GALNT13: variants seen among roughly 807,000 people sequenced by gnomAD.
GALNT13 encodes polypeptide N-acetylgalactosaminyltransferase 13.
A neutral mutation model predicts 64.2 loss-of-function variants in GALNT13; 28 were observed. That is an observed-to-expected ratio of 0.44 (90% CI 0.32 to 0.60). The LOEUF (loss-of-function observed/expected upper bound fraction) is 0.60, where lower values mean the gene tolerates loss of function less well. Ranked by LOEUF, GALNT13 falls within the 20% of genes least tolerant of loss-of-function variation. The pLI, the probability that GALNT13 is intolerant of heterozygous loss-of-function variation, is 0.05. For missense variants in GALNT13, 577 were observed against 669.8 expected (o/e 0.86, Z 1.53); for synonymous variants, 214 against 224.6 (o/e 0.95, Z 0.42).
chr2:154,125,968 G>C (rs1369245025), intron 3 of GALNT13, among the ~76,000 whole-genome samples: 1 of 152,094 alleles, frequency 6.6e-6, no homozygotes, highest in East Asian at 1.9e-4. Context: ...ACCTCAGCCT[G>C]GGGATCCATG....
intron 11 of GALNT13, among the ~76,000 whole-genome samples, chr2:154,411,791 T>G (rs1387594892): frequency 6.6e-6 from 1 of 151,760 alleles, no homozygotes; most frequent in Admixed American, 6.6e-5. Flanking sequence ...TGGGGAAATT[T>G]AAACTATTGA....
At chr2:154,340,484 TGAC>T (rs1389638637) in intron 9 of GALNT13, among the ~76,000 whole-genome samples, 1 of 152,178 alleles carries the variant, frequency 6.6e-6, no homozygotes, top group African/African-American at 2.4e-5. Flanking sequence ...TTCTTGATGA[TGAC>T]TTCAATTTAA....
chr2:153,554,514 T>C, the GALNT13 span, among the ~76,000 whole-genome samples: 6 of 152,202 alleles, frequency 3.9e-5, no homozygotes, highest in African/African-American at 1.4e-4. Context: ...ATTTTTCTGA[T>C]GAATTTTTTC....
intron 12 of GALNT13, 68 bp downstream of exon 12, chr2:154,438,794 A>G (rs954344662): frequency 3.6e-5 from 46 of 1,285,244 alleles, no homozygotes; most frequent in African/African-American, 4.5e-5. Context: ...AACATTCAAC[A>G]TTTAAATCTT....
chr2:154,193,594 G>A (rs187694561), intron 4 of GALNT13, among the ~76,000 whole-genome samples: 7 of 152,316 alleles, frequency 4.6e-5, no homozygotes, highest in Admixed American at 2.6e-4. Flanking sequence ...TCCTGACAGA[G>A]GCTGATGAAA....
At chr2:153,521,744 C>A in the GALNT13 span, among the ~76,000 whole-genome samples, 47 of 152,210 alleles carry the variant, frequency 3.1e-4, no homozygotes, top group Non-Finnish European at 4.7e-4. Context: ...TTTTTGGTCT[C>A]CATAGTTTTA....
At chr2:153,182,514 T>A in the GALNT13 span, among the ~76,000 whole-genome samples, 2 of 152,306 alleles carry the variant, frequency 1.3e-5, no homozygotes, top group South Asian at 4.1e-4. Flanking sequence ...GTAAATGTGT[T>A]CCATGGTGGT....
At chr2:153,827,715 T>C in the GALNT13 span, among the ~76,000 whole-genome samples, 1 of 152,062 alleles carries the variant, frequency 6.6e-6, no homozygotes, top group African/African-American at 2.4e-5. Context: ...GTCCTCACAT[T>C]TCAAAACCAG....
chr2:153,112,267 T>G, the GALNT13 span, among the ~76,000 whole-genome samples: 1 of 152,140 alleles, frequency 6.6e-6, no homozygotes, highest in Non-Finnish European at 1.5e-5. Flanking sequence ...GAAAGTCAGC[T>G]GCCTATAGGC....
At chr2:153,799,123 A>G in the GALNT13 span, among the ~76,000 whole-genome samples, 1 of 152,092 alleles carries the variant, frequency 6.6e-6, no homozygotes, top group Non-Finnish European at 1.5e-5. Context: ...GGGCATTGTG[A>G]CCCCCATAAG....
intron 4 of GALNT13, among the ~76,000 whole-genome samples, chr2:154,153,492 T>G (rs1371446667): frequency 1.3e-5 from 2 of 152,138 alleles, no homozygotes; most frequent in African/African-American, 2.4e-5. Flanking sequence ...GTCTGCAGAG[T>G]TTACTGGTGT....
the GALNT13 span, among the ~76,000 whole-genome samples, chr2:153,720,612 T>C: frequency 1.3e-5 from 2 of 151,064 alleles, no homozygotes; most frequent in Non-Finnish European, 3.0e-5. Context: ...AGAGAAGTGC[T>C]TAAAGGAGCT....
intron 2 of GALNT13, among the ~76,000 whole-genome samples, chr2:153,924,961 T>C (rs1439242041): frequency 6.6e-6 from 1 of 152,240 alleles, no homozygotes; most frequent in Non-Finnish European, 1.5e-5. Flanking sequence ...ATTAGGCCTT[T>C]GTCAGATGGA....
At chr2:153,353,737 T>C in the GALNT13 span, among the ~76,000 whole-genome samples, 1 of 152,180 alleles carries the variant, frequency 6.6e-6, no homozygotes, top group Admixed American at 6.5e-5. Context: ...CCCTTTGATG[T>C]AAAGAATTAC....
At chr2:153,862,983 T>C in the GALNT13 span, among the ~76,000 whole-genome samples, 7 of 152,140 alleles carry the variant, frequency 4.6e-5, no homozygotes, top group Admixed American at 6.5e-5. Flanking sequence ...TTTCATTTAA[T>C]GTTGAGAAAA....
chr2:154,112,665 T>C (rs1703053698), intron 3 of GALNT13, among the ~76,000 whole-genome samples: 1 of 152,244 alleles, frequency 6.6e-6, no homozygotes, highest in African/African-American at 2.4e-5. Context: ...GGTGCACTGC[T>C]TGAAGTTCTG....
intron 9 of GALNT13, among the ~76,000 whole-genome samples, chr2:154,308,812 C>G (rs1385996929): frequency 2.0e-5 from 3 of 152,044 alleles, no homozygotes; most frequent in Non-Finnish European, 4.4e-5. Context: ...TTGTGTGATG[C>G]CCTAAAATGC....
chr2:153,602,119 T>C, the GALNT13 span, among the ~76,000 whole-genome samples: 1 of 151,928 alleles, frequency 6.6e-6, no homozygotes, highest in Admixed American at 6.6e-5. Flanking sequence ...CAAGCCTCTA[T>C]TGTGTATCTG....
chr2:153,766,750 CATTT>C, the GALNT13 span, among the ~76,000 whole-genome samples: 1 of 151,684 alleles, frequency 6.6e-6, no homozygotes, highest in East Asian at 1.9e-4. Flanking sequence ...TCATTTTGTT[CATTT>C]ATTACTTTCA....
Sources: gnomAD v4.1 joint callset for allele counts (sites outside exome capture counted in the v4.1 genomes callset) on GRCh38, gnomAD v4.1.1 for gene constraint, MANE v1.5 for transcripts, NCBI Gene and HGNC (gene_info 2026-07-23, HGNC 2026-07-21) for gene names.